MEIS1: variants seen among roughly 807,000 people sequenced by gnomAD.
The protein encoded by MEIS1 is homeobox protein Meis1.
In MEIS1, 5 loss-of-function variants were observed where a neutral mutation model predicts 50.8. The observed-to-expected ratio is 0.10, with a 90% CI of 0.05 to 0.21. The LOEUF (loss-of-function observed/expected upper bound fraction) is 0.21. MEIS1 is among the 10% of genes least tolerant of loss of function. The pLI, the probability that MEIS1 is intolerant of heterozygous loss-of-function variation, is 1.00. For synonymous variants in MEIS1, 176 were observed against 179.3 expected (o/e 0.98, Z 0.15); for missense variants, 318 against 517.3 (o/e 0.61, Z 3.74).
intron 7 of MEIS1, among the ~76,000 whole-genome samples, chr2:66,476,901 G>GA (rs142681922): frequency 0.021 from 3,134 of 150,316 alleles, 41 homozygotes; most frequent in Middle Eastern, 0.072. Context: ...GGCATGTAAG[G>GA]AAAAAAAAAA....
intron 9 of MEIS1, among the ~76,000 whole-genome samples, chr2:66,559,514 A>G (rs1675158462): frequency 6.6e-6 from 1 of 152,174 alleles, no homozygotes; most frequent in African/African-American, 2.4e-5. Context: ...AATTTTATTG[A>G]CTTCTTGTGA....
At chr2:66,460,274 AC>A (rs1672487857) in intron 6 of MEIS1, among the ~76,000 whole-genome samples, 1 of 152,146 alleles carries the variant, frequency 6.6e-6, no homozygotes, top group South Asian at 2.1e-4. Flanking sequence ...AGATTAAGAT[AC>A]CATTCTCACT....
intron 7 of MEIS1, among the ~76,000 whole-genome samples, chr2:66,511,867 T>C (rs1440257424): frequency 6.6e-6 from 1 of 152,174 alleles, no homozygotes; most frequent in Non-Finnish European, 1.5e-5. Flanking sequence ...ATTGGAATAA[T>C]TACCATAGCA....
At chr2:66,569,386 C>T (rs1402893978) in intron 12 of MEIS1, 6 of 281,486 alleles carry the variant, frequency 2.1e-5, no homozygotes, top group Non-Finnish European at 4.0e-5. Context: ...CATGACAAAA[C>T]AAGAAGCAGT....
chr2:66,452,495 A>G lies in MEIS1; in HGVS notation c.630+9447A>G, dbSNP rs1020011889. ...GATAAATATTATCTCTTATAGAGTC[A>G]TTACATGTTTATATTTCATAGCTCC... On this transcript the variant is annotated intron_variant, in intron 6 of 12. Transcript: ENST00000272369. Among the ~76,000 whole-genome samples, 10 of 152,018 alleles carry G rather than the reference A, an allele frequency of 6.6e-5. 1 individual carries two copies. Among genetic ancestry groups the G allele is most frequent in the African/African-American group, 2.2e-4 (9 of 41,554 alleles).
At chr2:66,450,946 T>C (rs939384868) in intron 6 of MEIS1, among the ~76,000 whole-genome samples, 1 of 152,158 alleles carries the variant, frequency 6.6e-6, no homozygotes, top group African/African-American at 2.4e-5. Context: ...TTGGAAACCT[T>C]CTATGCCTGA....
chr2:66,558,193 C>T (rs897976091), intron 9 of MEIS1, among the ~76,000 whole-genome samples: 2 of 139,548 alleles, frequency 1.4e-5, no homozygotes, highest in Non-Finnish European at 3.0e-5. Context: ...GCAGGAGAAT[C>T]GCTTGAACGC....
intron 7 of MEIS1, chr2:66,496,269 C>G (rs1420250188): frequency 1.3e-5 from 2 of 152,184 alleles, no homozygotes; most frequent in African/African-American, 4.8e-5. Context: ...CAGTGTGTGA[C>G]TGTTCTTTAC....
chr2:66,437,956 A>G lies in MEIS1; in HGVS notation c.232A>G (p.Ile78Val), dbSNP rs1671843094. 1.9e-6 allele frequency: 3 copies of G among 1,569,420 alleles called. No individual in the cohort carries two copies. The highest frequency in any genetic ancestry group is 2.6e-6 in the Non-Finnish European group (3 of 1,156,858). Residue 78 changes from isoleucine (I) to valine (V), a missense_variant, in exon 2 of 13, where the codon ATT (isoleucine) becomes GTT (valine). Physicochemically the swap from Ile to Val is conservative, Grantham distance 29. Transcript: ENST00000272369. Reference sequence around the variant, plus strand: ...CGCTTTAAAGAGAGATAAAGATGCCATTTATGGGTAGGTACAATGGGCAGC... The same window carrying G: ...CGCTTTAAAGAGAGATAAAGATGCCGTTTATGGGTAGGTACAATGGGCAGC... Reference protein sequence around the residue: ...NDALKRDKDAIYGHPLFPLLA... With the variant: ...NDALKRDKDAVYGHPLFPLLA...
chr2:66,516,340 A>G (rs1387809335), intron 8 of MEIS1, among the ~76,000 whole-genome samples: 1 of 152,264 alleles, frequency 6.6e-6, no homozygotes, highest in Admixed American at 6.5e-5. Flanking sequence ...TCACGGGTCA[A>G]TATCCAGCAT....
chr2:66,464,467 A>C (rs1270828633), intron 7 of MEIS1, among the ~76,000 whole-genome samples: 1 of 152,220 alleles, frequency 6.6e-6, no homozygotes, highest in Non-Finnish European at 1.5e-5. Context: ...AGATTAGAGA[A>C]GTAGCTTAGA....
At chr2:66,531,616 TACACA>T (rs1189774412) in intron 8 of MEIS1, among the ~76,000 whole-genome samples, 1 of 152,232 alleles carries the variant, frequency 6.6e-6, no homozygotes, top group East Asian at 1.9e-4. Flanking sequence ...CGTACACGGT[TACACA>T]ACGCATAAAG....
intron 7 of MEIS1, among the ~76,000 whole-genome samples, chr2:66,499,640 T>C (rs1390981181): frequency 6.7e-6 from 1 of 149,434 alleles, no homozygotes; most frequent in Non-Finnish European, 1.5e-5. Context: ...TGCTCATTGC[T>C]GTGGAGGCTC....
intron 2 of MEIS1, 100 bp from the exon 3 acceptor site, chr2:66,439,743 T>TCAGA (rs1213419107): frequency 6.3e-7 from 1 of 1,595,408 alleles, no homozygotes; most frequent in African/African-American, 1.4e-5. Flanking sequence ...GGAGAGGGGG[T>TCAGA]CTGTTCCTCT....
intron 7 of MEIS1, among the ~76,000 whole-genome samples, chr2:66,489,333 T>TACAGA: frequency 6.6e-6 from 1 of 152,346 alleles, no homozygotes; most frequent in East Asian, 1.9e-4. Context: ...ATATCCCTCT[T>TACAGA]GGTACAATTA....
chr2:66,494,102 T>C (rs1211373605), intron 7 of MEIS1, among the ~76,000 whole-genome samples: 1 of 150,406 alleles, frequency 6.6e-6, no homozygotes, highest in Non-Finnish European at 1.5e-5. Context: ...TCATACTTCA[T>C]CAGTTCACTT....
At chr2:66,502,339 T>C (rs968769175) in intron 7 of MEIS1, among the ~76,000 whole-genome samples, 1 of 152,174 alleles carries the variant, frequency 6.6e-6, no homozygotes, top group African/African-American at 2.4e-5. Flanking sequence ...ATGAACTCTT[T>C]TATAAGAATG....
intron 8 of MEIS1, among the ~76,000 whole-genome samples, chr2:66,520,994 A>T (rs1054965165): frequency 4.6e-5 from 7 of 152,346 alleles, no homozygotes; most frequent in African/African-American, 1.4e-4. Context: ...TAGTATTTTT[A>T]AAAAATAAAA....
At chr2:66,511,019 T>A (rs1318589469) in intron 7 of MEIS1, among the ~76,000 whole-genome samples, 1 of 152,144 alleles carries the variant, frequency 6.6e-6, no homozygotes, top group Non-Finnish European at 1.5e-5. Context: ...TGTATTTTTT[T>A]TTTACCTCAT....
Sources: gnomAD v4.1 joint callset for allele counts (sites outside exome capture counted in the v4.1 genomes callset) on GRCh38, gnomAD v4.1.1 for gene constraint, MANE v1.5 for transcripts, NCBI Gene and HGNC (gene_info 2026-07-23, HGNC 2026-07-21) for gene names.